Variants in RASGEF1C observed in about 807,000 individuals in gnomAD.
The protein encoded by RASGEF1C is ras-GEF domain-containing family member 1C.
In RASGEF1C, 27 loss-of-function variants were observed where a neutral mutation model predicts 58.1. The ratio of observed to expected loss-of-function variants is 0.46; its 90% CI spans 0.34 to 0.64. The LOEUF is 0.64. Among genes scored for constraint, RASGEF1C ranks in the 30% least tolerant of loss-of-function variants. RASGEF1C has a pLI of 0.01. For missense variants in RASGEF1C, 502 were observed against 605.1 expected (o/e 0.83, Z 1.79); for synonymous variants, 243 against 246.3 (o/e 0.99, Z 0.13).
Position 180,102,147 on chromosome 5 carries a change from G to A in RASGEF1C, c.1304-4C>T, listed in dbSNP as rs1217542935. ...TCGTAAGAAGCCAAATAAAGACCTA[G>A]ACAGAAAATGAAGTGAAATTTCACA... is the stretch of plus-strand genomic sequence containing the variant. On this transcript the variant is annotated splice_polypyrimidine_tract_variant and splice_region_variant and intron_variant, in intron 12 of 13. Coordinates refer to ENST00000361132, the MANE Select transcript of RASGEF1C (RefSeq NM_175062.4). 7 of 1,535,752 alleles carry A rather than the reference G, an allele frequency of 4.6e-6. No individual in the cohort carries two copies. The highest frequency in any genetic ancestry group is 6.3e-6 in the Non-Finnish European group (7 of 1,109,266).
chr5:180,110,116 G>A (rs1193829474), intron 12 of RASGEF1C, among the ~76,000 whole-genome samples: 3 of 152,082 alleles, frequency 2.0e-5, no homozygotes, highest in Non-Finnish European at 4.4e-5. Context: ...CATTCTCCCC[G>A]GGGCCCTGGG....
chr5:180,131,180 C>G (rs1766361795), intron 4 of RASGEF1C, among the ~76,000 whole-genome samples: 1 of 152,224 alleles, frequency 6.6e-6, no homozygotes, highest in Non-Finnish European at 1.5e-5. Context: ...AAATGCAAAT[C>G]TGATCGCTGC....
At chr5:180,103,244 A>ATTT (rs1166363913) in intron 12 of RASGEF1C, among the ~76,000 whole-genome samples, 2 of 152,026 alleles carry the variant, frequency 1.3e-5, no homozygotes, top group Non-Finnish European at 2.9e-5. Context: ...CGCCCGGCTA[A>ATTT]TGTTTTGTAT....
At chr5:180,120,430 C>T (rs970246076) in intron 7 of RASGEF1C, among the ~76,000 whole-genome samples, 4 of 152,316 alleles carry the variant, frequency 2.6e-5, no homozygotes, top group South Asian at 2.1e-4. Context: ...GCACCTGCTG[C>T]GGAGAGCCCA....
chr5:180,103,274 T>G (rs1231695776), intron 12 of RASGEF1C, among the ~76,000 whole-genome samples: 3 of 152,198 alleles, frequency 2.0e-5, no homozygotes, highest in Non-Finnish European at 4.4e-5. Context: ...AGATGGGGTT[T>G]CACCGTGTTA....
At position 180,137,725 on chromosome 5, in the gene RASGEF1C, C is replaced by A; in HGVS notation, c.178-13G>T. 1 of 1,612,706 alleles carries A rather than the reference C, an allele frequency of 6.2e-7. No homozygotes were observed. The highest frequency in any genetic ancestry group is 1.1e-5 in the South Asian group (1 of 91,018). ...AGATGTAGGCTTTCTGGGGGACACACGAGAAAGAGGGCACAGGCTCAGGAG... is the reference window on the plus strand; with the variant it reads ...AGATGTAGGCTTTCTGGGGGACACAAGAGAAAGAGGGCACAGGCTCAGGAG... On this transcript the variant is annotated splice_polypyrimidine_tract_variant and intron_variant, in intron 2 of 13. Coordinates refer to ENST00000361132, the MANE Select transcript of RASGEF1C (RefSeq NM_175062.4). The surrounding 1 kb of genome is among the most constrained non-coding windows in gnomAD (Gnocchi z 4.1).
intron 1 of RASGEF1C, among the ~76,000 whole-genome samples, chr5:180,193,460 C>T (rs1410296018): frequency 6.6e-6 from 1 of 152,124 alleles, no homozygotes; most frequent in Non-Finnish European, 1.5e-5. Flanking sequence ...AGAGCTGCTA[C>T]AGATCTGATT....
chr5:180,184,626 A>T (rs1319805237), intron 1 of RASGEF1C, among the ~76,000 whole-genome samples: 1 of 152,224 alleles, frequency 6.6e-6, no homozygotes, highest in Non-Finnish European at 1.5e-5. Flanking sequence ...AGATTTTCAG[A>T]TTGGATATGA....
chr5:180,147,340 T>C (rs963938611), intron 1 of RASGEF1C, among the ~76,000 whole-genome samples: 3 of 152,098 alleles, frequency 2.0e-5, no homozygotes, highest in African/African-American at 7.2e-5. Flanking sequence ...CTCCTTCTGC[T>C]AGCTTTGGGT....
In RASGEF1C at chr5:180,118,647, C is replaced by T. The variant is rs201116631; in HGVS notation, c.1045G>A (p.Ala349Thr). Residue 349 changes from alanine to threonine, a missense_variant, in exon 10 of 14, where the codon GCC becomes ACC. Coordinates refer to ENST00000361132, the MANE Select transcript of RASGEF1C (RefSeq NM_175062.4). ...CNYRTALRGA[A>T]HRSLTAHSSR... is the part of the protein sequence containing the mutation. The stretch of plus-strand genomic sequence containing the variant: ...CTGTGGGCCGTCAGGGAGCGGTGGG[C>T]CGCCCCGCGCAGGGCTGTCCTGTAG... 16 of 1,613,600 alleles carry T rather than the reference C, an allele frequency of 9.9e-6. No homozygotes were observed. Among genetic ancestry groups the T allele is most frequent in the Non-Finnish European group, 1.4e-5 (16 of 1,179,772 alleles).
intron 1 of RASGEF1C, among the ~76,000 whole-genome samples, chr5:180,205,176 G>A (rs1023071698): frequency 1.3e-5 from 2 of 151,904 alleles, no homozygotes; most frequent in African/African-American, 2.4e-5. Context: ...GTGACAGAGC[G>A]AGACTCCGTC....
At position 180,197,835 on chromosome 5, in the gene RASGEF1C, T is replaced by G. The variant is rs1756307039; in HGVS notation, c.-7+11193A>C. 6.6e-6 allele frequency among the ~76,000 whole-genome samples: 1 copy of G among 152,152 alleles called. No individual in the cohort carries two copies. The highest frequency in any genetic ancestry group is 1.5e-5 in the Non-Finnish European group (1 of 68,024). On this transcript the variant is annotated intron_variant, in intron 1 of 13. Transcript: ENST00000361132. The surrounding 1 kb of genome is among the most constrained non-coding windows in gnomAD (Gnocchi z 4.7). Reference sequence around the variant, plus strand: ...TTTTAAAACAAACAACTAAACAACTTCCTGACCAAATGACCCAGGTAGATA... The same window carrying G: ...TTTTAAAACAAACAACTAAACAACTGCCTGACCAAATGACCCAGGTAGATA...
At chr5:180,132,233 C>T (rs1476814930) in intron 4 of RASGEF1C, among the ~76,000 whole-genome samples, 7 of 152,216 alleles carry the variant, frequency 4.6e-5, no homozygotes, top group Admixed American at 2.0e-4. Flanking sequence ...GGAGGCTGCC[C>T]GGGAGGCTGG....
chr5:180,143,669 G>A lies in RASGEF1C; in HGVS notation c.-6-5611C>T, dbSNP rs1242521585. ...CGTTTCATATTGTGATTGTAAGGGT[G>A]GCAATTAATTCTATTTTTTTAAAAA... is the stretch of plus-strand genomic sequence containing the variant. On this transcript the variant is annotated intron_variant, in intron 1 of 13. Coordinates refer to ENST00000361132, the MANE Select transcript of RASGEF1C (RefSeq NM_175062.4). The surrounding 1 kb of genome is among the most constrained non-coding windows in gnomAD (Gnocchi z 4.3). 6.6e-6 allele frequency among the ~76,000 whole-genome samples: 1 copy of A among 152,200 alleles called. No individual in the cohort carries two copies. The highest frequency in any genetic ancestry group is 1.9e-4 in the East Asian group (1 of 5,184).
Position 180,126,129 on chromosome 5 carries a change from C to T in RASGEF1C, c.714+1480G>A, listed in dbSNP as rs978186266. Among the ~76,000 whole-genome samples, 4 of 152,172 alleles carry T rather than the reference C, an allele frequency of 2.6e-5. No homozygotes were observed. In the East Asian group the frequency reaches 5.8e-4, roughly 22 times the overall value. Reference sequence around the variant, plus strand: ...CAAAAAATCTTACAAGAATCTCGGCCGGGCGCGGTAGCTCACGCCTGTAAT... The same window carrying T: ...CAAAAAATCTTACAAGAATCTCGGCTGGGCGCGGTAGCTCACGCCTGTAAT... On this transcript the variant is annotated intron_variant, in intron 6 of 13. Coordinates refer to ENST00000361132, the MANE Select transcript of RASGEF1C (RefSeq NM_175062.4).
At chr5:180,183,425 C>T (rs1318306699) in intron 1 of RASGEF1C, among the ~76,000 whole-genome samples, 1 of 150,640 alleles carries the variant, frequency 6.6e-6, no homozygotes, top group Non-Finnish European at 1.5e-5. Context: ...AGGGATATAG[C>T]TTAAAAAATC....
At chr5:180,180,424 C>T (rs1767306291) in intron 1 of RASGEF1C, among the ~76,000 whole-genome samples, 1 of 152,208 alleles carries the variant, frequency 6.6e-6, no homozygotes, top group Admixed American at 6.5e-5. Context: ...ACAAACTGGC[C>T]GGTGCACCAT....
intron 1 of RASGEF1C, among the ~76,000 whole-genome samples, chr5:180,175,587 G>T (rs1767211099): frequency 6.6e-6 from 1 of 152,228 alleles, no homozygotes; most frequent in African/African-American, 2.4e-5. Flanking sequence ...CCGAGCCTGA[G>T]CAGTCCCTGT....
intron 1 of RASGEF1C, among the ~76,000 whole-genome samples, chr5:180,145,105 C>A (rs1488427130): frequency 2.6e-5 from 4 of 152,044 alleles, no homozygotes; most frequent in East Asian, 1.9e-4. Context: ...ACAGCAGCTG[C>A]ACCATTTTAT....
Sources: allele counts gnomAD v4.1 joint callset (sites outside exome capture counted in the v4.1 genomes callset), GRCh38; gene constraint gnomAD v4.1.1; non-coding constraint Gnocchi (gnomAD v3.1); transcripts MANE v1.5; gene names NCBI Gene and HGNC (gene_info 2026-07-23, HGNC 2026-07-21).